Variants in EXT2 observed in about 807,000 individuals in gnomAD.
EXT2 encodes exostosin-2.
In EXT2, 53 loss-of-function variants were observed where a neutral mutation model predicts 81.6. The ratio of observed to expected loss-of-function variants is 0.65; its 90% CI spans 0.52 to 0.82. The LOEUF is 0.82. Among genes scored for constraint, EXT2 ranks in the 40% least tolerant of loss-of-function variants. The pLI, the probability that EXT2 is intolerant of heterozygous loss-of-function variation, is 0.00. For missense variants in EXT2, 774 were observed against 910.2 expected (o/e 0.85, Z 1.93); for synonymous variants, 320 against 340.0 (o/e 0.94, Z 0.65).
intron 7 of EXT2, among the ~76,000 whole-genome samples, chr11:44,148,248 C>A (rs4525225): frequency 0.018 from 2,719 of 152,294 alleles, 87 homozygotes; most frequent in African/African-American, 0.061. Context: ...GTTGAGGAAA[C>A]TTCTTGGTTA....
intron 7 of EXT2, among the ~76,000 whole-genome samples, chr11:44,156,549 T>C (rs558866248): frequency 2.0e-4 from 31 of 152,354 alleles, no homozygotes; most frequent in South Asian, 4.1e-4. Flanking sequence ...AGCTCCAGAA[T>C]TTCTGCTTGA....
chr11:44,242,359 G>A (rs1451263034), intron 13 of EXT2, among the ~76,000 whole-genome samples: 1 of 152,154 alleles, frequency 6.6e-6, no homozygotes, highest in African/African-American at 2.4e-5. Context: ...ACCTCACTTT[G>A]TTAAAGTTCA....
At chr11:44,175,061 T>G (rs1419074277) in intron 8 of EXT2, among the ~76,000 whole-genome samples, 1 of 152,206 alleles carries the variant, frequency 6.6e-6, no homozygotes, top group South Asian at 2.1e-4. Flanking sequence ...GGGAGTAATG[T>G]GATAAGATTG....
At chr11:44,221,117 G>A (rs562424114) in intron 10 of EXT2, among the ~76,000 whole-genome samples, 1 of 152,198 alleles carries the variant, frequency 6.6e-6, no homozygotes, top group Non-Finnish European at 1.5e-5. Context: ...CCACAGAGGA[G>A]GGCACATACT....
chr11:44,170,029 A>G (rs1271665589), intron 7 of EXT2, among the ~76,000 whole-genome samples: 1 of 152,190 alleles, frequency 6.6e-6, no homozygotes, highest in African/African-American at 2.4e-5. Context: ...TTTAAACAAA[A>G]TTATACCCAT....
intron 12 of EXT2, among the ~76,000 whole-genome samples, chr11:44,235,754 G>A (rs1303722599): frequency 6.6e-6 from 1 of 152,160 alleles, no homozygotes; most frequent in Non-Finnish European, 1.5e-5. Flanking sequence ...TAAGGTTTGA[G>A]AGTGTAGTGG....
In EXT2 at chr11:44,132,879, C is replaced by T. The variant is rs75874424; in HGVS notation, c.1173+2741C>T. Among the ~76,000 whole-genome samples, 75 of 152,342 alleles carry T rather than the reference C, an allele frequency of 4.9e-4. 2 individuals carry two copies. In the East Asian group the frequency reaches 0.014, roughly 29 times the overall value. ...CCCCTTTCTCTGAGTAATCCATGTT[C>T]CCAAAATGACCTCTTTTCTTTTCCT... is the stretch of plus-strand genomic sequence containing the variant. On this transcript the variant is annotated intron_variant, in intron 7 of 13. Transcript: ENST00000533608.
intron 7 of EXT2, among the ~76,000 whole-genome samples, chr11:44,153,191 T>TATA (rs1954815287): frequency 6.6e-6 from 1 of 152,250 alleles, no homozygotes; most frequent in Non-Finnish European, 1.5e-5. Flanking sequence ...TTTGATATCT[T>TATA]TCATCAGAGT....
At chr11:44,242,040 C>T (rs906454014) in intron 13 of EXT2, among the ~76,000 whole-genome samples, 1 of 152,190 alleles carries the variant, frequency 6.6e-6, no homozygotes, top group Non-Finnish European at 1.5e-5. Flanking sequence ...TTGCCTATGA[C>T]CCATTCCTGT....
intron 7 of EXT2, among the ~76,000 whole-genome samples, chr11:44,145,652 A>T (rs1954706914): frequency 6.6e-6 from 1 of 152,210 alleles, no homozygotes; most frequent in South Asian, 2.1e-4. Context: ...TAAAGGAGGA[A>T]AATGAACTTT....
chr11:44,205,122 G>A lies in EXT2; in HGVS notation c.1496-1671G>A, dbSNP rs561516187. Reference sequence around the variant, plus strand: ...TCATTTATTTTCTGTGTATCACTGGGCAAGTTAATTAACCTCTCTGAGCCA... The same window carrying A: ...TCATTTATTTTCTGTGTATCACTGGACAAGTTAATTAACCTCTCTGAGCCA... On this transcript the variant is annotated intron_variant, in intron 9 of 13. Transcript: ENST00000533608. Among the ~76,000 whole-genome samples, 4 of 152,230 alleles carry A rather than the reference G, an allele frequency of 2.6e-5. No individual in the cohort carries two copies. The South Asian group carries it at 8.3e-4, about 32-fold the overall frequency.
At chr11:44,157,410 T>C (rs1954869440) in intron 7 of EXT2, among the ~76,000 whole-genome samples, 1 of 152,254 alleles carries the variant, frequency 6.6e-6, no homozygotes, top group East Asian at 1.9e-4. Context: ...CTTGGTTCTC[T>C]ATTCTACGTG....
intron 10 of EXT2, among the ~76,000 whole-genome samples, chr11:44,231,005 A>C (rs1475562547): frequency 6.6e-6 from 1 of 152,214 alleles, no homozygotes; most frequent in African/African-American, 2.4e-5. Flanking sequence ...GAAAATAACT[A>C]TATTAAAATA....
intron 7 of EXT2, among the ~76,000 whole-genome samples, chr11:44,155,709 G>A (rs941925170): frequency 6.6e-6 from 1 of 151,986 alleles, no homozygotes; most frequent in Non-Finnish European, 1.5e-5. Flanking sequence ...TTGAAAAGTT[G>A]TTGTAGCTAT....
chr11:44,239,427 T>A lies in EXT2; in HGVS notation c.2018+3052T>A, dbSNP rs144177313. Among the ~76,000 whole-genome samples the A allele has an allele frequency of 3.0e-3, 408 of 138,098 alleles. 2 individuals carry two copies. Among genetic ancestry groups the A allele is most frequent in the African/African-American group, 0.01 (376 of 37,116 alleles). 90.6% of individuals were successfully genotyped at this position (138,098 alleles called of 152,430 possible). On this transcript the variant is annotated intron_variant, in intron 13 of 13. Transcript: ENST00000533608. ...TTTTTTTTTTGAGACATAGTCTCAC[T>A]CTCTTGCCAGGCTGGAGTTCAGTGG...
intron 4 of EXT2, among the ~76,000 whole-genome samples, chr11:44,119,147 T>TATATATAC (rs1565201184): frequency 3.8e-4 from 19 of 49,382 alleles, no homozygotes; most frequent in Non-Finnish European, 6.7e-4. Flanking sequence ...TATATATATA[T>TATATATAC]ATATATATAT....
intron 10 of EXT2, among the ~76,000 whole-genome samples, chr11:44,226,268 G>A (rs772309217): frequency 1.3e-5 from 2 of 152,200 alleles, no homozygotes; most frequent in Non-Finnish European, 2.9e-5. Context: ...CTTATTTTAA[G>A]CAAGCTCCTG....
At chr11:44,234,271 T>C (rs1033271956) in intron 12 of EXT2, 28 bp downstream of exon 12, 3 of 1,609,526 alleles carry the variant, frequency 1.9e-6, no homozygotes, top group Non-Finnish European at 2.5e-6. Context: ...TCACTTGCTT[T>C]GTGATCTTGG....
In EXT2 at chr11:44,126,953, G is replaced by A. The variant is rs747701259; in HGVS notation, c.1077G>A (p.Lys359=). The A allele has an allele frequency of 1.9e-5, 30 of 1,614,054 alleles. No individual in the cohort carries two copies. Among genetic ancestry groups the A allele is most frequent in the Non-Finnish European group, 2.4e-5 (28 of 1,180,024 alleles). The change falls in exon 6 of 14, where the codon AAG becomes AAA. Residue 359 remains lysine, a splice_region_variant and synonymous_variant. Transcript: ENST00000533608. ...CTTTCTCTGAAGTTCTTGACTGGAA[G>A]AGGTGGGTAGTACCTCCTAGTAAAC... is the stretch of plus-strand genomic sequence containing the variant. ...ILPFSEVLDW[K]RASVVVPEEK...
Sources: allele counts gnomAD v4.1 joint callset (sites outside exome capture counted in the v4.1 genomes callset), GRCh38; gene constraint gnomAD v4.1.1; transcripts MANE v1.5; gene names NCBI Gene and HGNC (gene_info 2026-07-23, HGNC 2026-07-21).